FBXO4: variants seen among roughly 807,000 people sequenced by gnomAD.
FBXO4 encodes the protein F-box only protein 4.
FBXO4 carries 36 observed loss-of-function variants against 43.7 expected under a neutral mutation model. The observed-to-expected ratio is 0.82, with a 90% confidence interval of 0.63 to 1.09. The LOEUF (loss-of-function observed/expected upper bound fraction) is 1.09. Among genes scored for constraint, FBXO4 ranks in the 50% least tolerant of loss-of-function variants. FBXO4 has a pLI of 0.00. For synonymous variants in FBXO4, 180 were observed against 165.6 expected (o/e 1.09, Z -0.67); for missense variants, 435 against 474.1 (o/e 0.92, Z 0.77).
At chr5:41,960,652 T>A in the FBXO4 span, among the ~76,000 whole-genome samples, 1 of 152,174 alleles carries the variant, frequency 6.6e-6, no homozygotes, top group East Asian at 1.9e-4. Flanking sequence ...TATATCACAT[T>A]TATTGTTTGA....
chr5:42,028,131 G>A, the FBXO4 span, among the ~76,000 whole-genome samples: 2 of 151,750 alleles, frequency 1.3e-5, no homozygotes, highest in Non-Finnish European at 2.9e-5. Context: ...GCTGAAATGG[G>A]GTGTTGAAGT....
At chr5:41,944,336 C>T (rs1579990619), downstream of FBXO4, among the ~76,000 whole-genome samples, 1 of 152,266 alleles carries the variant, frequency 6.6e-6, no homozygotes, top group African/African-American at 2.4e-5. Flanking sequence ...AATAATTTTT[C>T]TAAATCATGA....
chr5:41,990,662 T>C, the FBXO4 span, among the ~76,000 whole-genome samples: 2 of 152,210 alleles, frequency 1.3e-5, no homozygotes, highest in Admixed American at 6.5e-5. Flanking sequence ...GCATTGTAGA[T>C]AGTTTTCTAT....
chr5:41,968,973 T>C, the FBXO4 span, among the ~76,000 whole-genome samples: 2 of 152,212 alleles, frequency 1.3e-5, no homozygotes, highest in African/African-American at 2.4e-5. Context: ...TTAAAGCGTG[T>C]TATTTATATT....
At chr5:42,024,206 A>G in the FBXO4 span, among the ~76,000 whole-genome samples, 1 of 152,030 alleles carries the variant, frequency 6.6e-6, no homozygotes, top group Non-Finnish European at 1.5e-5. Context: ...CTACTTCTTG[A>G]ATTATTGTTA....
chr5:42,000,909 G>T, the FBXO4 span, among the ~76,000 whole-genome samples: 1 of 151,922 alleles, frequency 6.6e-6, no homozygotes, highest in Non-Finnish European at 1.5e-5. Context: ...TATTTCTGGG[G>T]TCTCCGTTCT....
the FBXO4 span, among the ~76,000 whole-genome samples, chr5:41,984,494 T>C: frequency 2.0e-5 from 3 of 152,196 alleles, no homozygotes; most frequent in Non-Finnish European, 4.4e-5. Context: ...GGGCTCACTC[T>C]CTGACGTCTC....
chr5:41,997,108 G>T, the FBXO4 span, among the ~76,000 whole-genome samples: 1 of 152,230 alleles, frequency 6.6e-6, no homozygotes, highest in African/African-American at 2.4e-5. Context: ...TGCTTCTGGT[G>T]GGCCTTACAG....
chr5:41,938,457 G>A (rs1009854406), intron 5 of FBXO4, among the ~76,000 whole-genome samples: 3 of 152,126 alleles, frequency 2.0e-5, no homozygotes, highest in Middle Eastern at 3.4e-3. Context: ...AAGAATAGAC[G>A]GACAAGTCAA....
chr5:41,940,339 C>A (rs191284830), intron 6 of FBXO4, among the ~76,000 whole-genome samples: 5 of 152,180 alleles, frequency 3.3e-5, no homozygotes, highest in Admixed American at 2.0e-4. Flanking sequence ...TTGGCTCACT[C>A]CAACCTCTGC....
downstream of FBXO4, among the ~76,000 whole-genome samples, chr5:41,942,351 A>G (rs1026754823): frequency 6.6e-6 from 1 of 151,968 alleles, no homozygotes; most frequent in Admixed American, 6.6e-5. Context: ...TAATAATCCA[A>G]AGTTATGATA....
At chr5:42,000,706 T>C in the FBXO4 span, among the ~76,000 whole-genome samples, 1 of 152,216 alleles carries the variant, frequency 6.6e-6, no homozygotes, top group Non-Finnish European at 1.5e-5. Context: ...TGTGTTCTTC[T>C]ACTTGTTTTA....
At chr5:41,989,126 A>G in the FBXO4 span, among the ~76,000 whole-genome samples, 50 of 152,326 alleles carry the variant, frequency 3.3e-4, no homozygotes, top group African/African-American at 1.2e-3. Flanking sequence ...TTAATATTGA[A>G]CACAATACCA....
At chr5:42,029,965 A>G in the FBXO4 span, among the ~76,000 whole-genome samples, 1 of 152,156 alleles carries the variant, frequency 6.6e-6, no homozygotes, top group South Asian at 2.1e-4. Context: ...GAGGATACAA[A>G]CAAATGGAAG....
chr5:41,996,857 T>A, the FBXO4 span, among the ~76,000 whole-genome samples: 1 of 152,218 alleles, frequency 6.6e-6, no homozygotes, highest in Non-Finnish European at 1.5e-5. Context: ...TAGTCAGATT[T>A]ATTTCCCATC....
At chr5:41,933,504 C>T (rs1363593866) in intron 3 of FBXO4, among the ~76,000 whole-genome samples, 1 of 152,142 alleles carries the variant, frequency 6.6e-6, no homozygotes, top group East Asian at 1.9e-4. Context: ...AGATGTGAGC[C>T]ACTGTGCCTG....
the FBXO4 span, among the ~76,000 whole-genome samples, chr5:42,033,054 T>A: frequency 6.6e-6 from 1 of 152,188 alleles, no homozygotes; most frequent in Non-Finnish European, 1.5e-5. Flanking sequence ...CTTTGACTGC[T>A]GCCATATCAT....
the FBXO4 span, among the ~76,000 whole-genome samples, chr5:41,965,911 C>T: frequency 2.6e-5 from 4 of 152,130 alleles, no homozygotes; most frequent in Non-Finnish European, 5.9e-5. Context: ...AATGTCCAAC[C>T]ATGATAGTCT....
Position 41,941,210 on chromosome 5 carries a change from G to A in FBXO4, c.1093G>A (p.Glu365Lys), listed in dbSNP as rs1751997179. Residue 365 changes from glutamate (E) to lysine (K), a missense_variant, in exon 7 of 7, where the codon GAA (glutamate) becomes AAA (lysine). By Grantham distance (56) the Glu-to-Lys change is moderately conservative. Coordinates refer to ENST00000281623, the MANE Select transcript of FBXO4 (RefSeq NM_012176.3). ...TTCCGAGGTCCAGGATACAGAGGCT[G>A]AAACTCTGACTGGTTTTTTGAATGG... ...HPWLVQDTEA[E>K]TLTGFLNGIE... is the part of the protein sequence containing the mutation. The A allele has an allele frequency of 5.0e-6, 8 of 1,613,584 alleles. No individual in the cohort carries two copies. Among genetic ancestry groups the A allele is most frequent in the South Asian group, 1.1e-5 (1 of 91,064 alleles).
Sources: allele counts gnomAD v4.1 joint callset (sites outside exome capture counted in the v4.1 genomes callset), GRCh38; gene constraint gnomAD v4.1.1; transcripts MANE v1.5; gene names NCBI Gene and HGNC (gene_info 2026-07-23, HGNC 2026-07-21).